STK39: variants seen among roughly 807,000 people sequenced by gnomAD.
STK39 encodes STE20/SPS1-related proline-alanine-rich protein kinase.
Under a neutral mutation model 77.8 loss-of-function variants are expected in STK39, and 20 were observed. The ratio of observed to expected loss-of-function variants is 0.26; its 90% CI spans 0.18 to 0.37. STK39 has a LOEUF of 0.37. STK39 is among the 10% of genes least tolerant of loss of function. STK39 has a pLI of 1.00. For missense variants in STK39, 479 were observed against 656.5 expected (o/e 0.73, Z 2.95); for synonymous variants, 246 against 234.1 (o/e 1.05, Z -0.47).
intron 12 of STK39, 67 bp from the exon 13 acceptor site, chr2:168,065,448 T>C (rs183176577): frequency 1.6e-5 from 24 of 1,505,758 alleles, no homozygotes; most frequent in Non-Finnish European, 2.2e-5. Context: ...TGTGGTTACA[T>C]TAAGTCCCAA....
rs7600688 is a variant in STK39 at position 167,956,702 on chromosome 2, T to C, written c.1564-1132A>G. Reference sequence around the variant, plus strand: ...CACACACACACACACACACACTCTCTCTCTCTCTCTCTCTCTCTCTCTCTC... The same window carrying C: ...CACACACACACACACACACACTCTCCCTCTCTCTCTCTCTCTCTCTCTCTC... On this transcript the variant is annotated intron_variant, in intron 17 of 17. Transcript: ENST00000355999. Among the ~76,000 whole-genome samples the C allele has an allele frequency of 1.2e-3, 94 of 75,774 alleles. 1 individual carries two copies. Among genetic ancestry groups the C allele is most frequent in the Middle Eastern group, 6.8e-3 (1 of 146 alleles). 49.7% of individuals were successfully genotyped at this position (75,774 alleles called of 152,430 possible).
At chr2:168,217,153 T>C (rs577686884) in intron 1 of STK39, among the ~76,000 whole-genome samples, 1 of 152,306 alleles carries the variant, frequency 6.6e-6, no homozygotes, top group African/African-American at 2.4e-5. Context: ...TTCAAAAGCA[T>C]CCCACTCTCC....
chr2:168,224,221 A>C (rs1165603803), intron 1 of STK39, among the ~76,000 whole-genome samples: 1 of 152,154 alleles, frequency 6.6e-6, no homozygotes, highest in African/African-American at 2.4e-5. Context: ...CAACAAAAAA[A>C]AATCGCTTTC....
rs1049779251 is a variant in STK39, at chr2:168,136,883, T to C, written c.974+1205A>G. 7.2e-5 allele frequency among the ~76,000 whole-genome samples: 11 copies of C among 152,302 alleles called. 1 individual carries two copies. In the South Asian group the frequency reaches 1.9e-3, roughly 26 times the overall value. On this transcript the variant is annotated intron_variant, in intron 8 of 17. Coordinates refer to ENST00000355999, the MANE Select transcript of STK39 (RefSeq NM_013233.3). ...ATAAATAACAAATGAGATGTTTACA[T>C]AGAAATAGTACACAGGTATGACAAA...
chr2:168,064,993 A>G (rs1460108736), intron 13 of STK39, among the ~76,000 whole-genome samples: 1 of 152,260 alleles, frequency 6.6e-6, no homozygotes, highest in Non-Finnish European at 1.5e-5. Flanking sequence ...AAATCCAACC[A>G]GGAGCAAAAA....
At chr2:168,168,339 T>C (rs938476181) in intron 2 of STK39, among the ~76,000 whole-genome samples, 12 of 152,198 alleles carry the variant, frequency 7.9e-5, no homozygotes, top group African/African-American at 2.7e-4. Context: ...GTCGGATGAC[T>C]CCCATAAAAG....
At chr2:168,029,506 C>G (rs1471730229) in intron 14 of STK39, among the ~76,000 whole-genome samples, 1 of 152,120 alleles carries the variant, frequency 6.6e-6, no homozygotes, top group African/African-American at 2.4e-5. Flanking sequence ...GCTGAAGACA[C>G]AATATTAAAT....
At position 167,982,804 on chromosome 2, in the gene STK39, TAG is replaced by T. The variant is rs367673649; in HGVS notation, c.1499-18080_1499-18079del. Among the ~76,000 whole-genome samples, 34 of 152,320 alleles carry T rather than the reference TAG, an allele frequency of 2.2e-4. No homozygotes were observed. The East Asian group carries it at 5.6e-3, about 25-fold the overall frequency. On this transcript the variant is annotated intron_variant, in intron 16 of 17. Transcript: ENST00000355999. ...TTCCCCCCACAAAGATGAAGATAGG[TAG>T]AGCTGATCAGGGTGAAGTTATAAAA...
chr2:168,087,432 T>C (rs1342728517), intron 10 of STK39, among the ~76,000 whole-genome samples: 1 of 152,208 alleles, frequency 6.6e-6, no homozygotes, highest in Non-Finnish European at 1.5e-5. Flanking sequence ...CGTGATTAAG[T>C]CCATAATTGA....
intron 1 of STK39, among the ~76,000 whole-genome samples, chr2:168,246,480 CAGAG>C (rs1347717900): frequency 6.6e-6 from 1 of 152,254 alleles, no homozygotes. Flanking sequence ...CGGCCTGAAA[CAGAG>C]GGAAGCATCG....
chr2:168,169,843 T>C (rs1222392441), intron 2 of STK39, among the ~76,000 whole-genome samples: 18 of 152,036 alleles, frequency 1.2e-4, no homozygotes, highest in Admixed American at 1.1e-3. Flanking sequence ...TAAGGACAGG[T>C]AAAAGAAGGG....
At chr2:168,164,872 G>A (rs1688659914) in intron 3 of STK39, among the ~76,000 whole-genome samples, 1 of 152,146 alleles carries the variant, frequency 6.6e-6, no homozygotes, top group Non-Finnish European at 1.5e-5. Flanking sequence ...CAGTTTAAAA[G>A]CCAAAATTAC....
At chr2:168,236,805 T>C (rs887473102) in intron 1 of STK39, among the ~76,000 whole-genome samples, 2 of 152,120 alleles carry the variant, frequency 1.3e-5, no homozygotes, top group African/African-American at 4.8e-5. Flanking sequence ...TCCATTGGTC[T>C]ATATCTCTGT....
intron 16 of STK39, 25 bp downstream of exon 16, chr2:168,012,609 C>T (rs771413157): frequency 6.2e-7 from 1 of 1,601,252 alleles, no homozygotes; most frequent in Non-Finnish European, 8.5e-7. Context: ...AACAAAATGA[C>T]AGTGCATACT....
At chr2:168,180,951 T>A (rs1053164352) in intron 2 of STK39, among the ~76,000 whole-genome samples, 1 of 152,212 alleles carries the variant, frequency 6.6e-6, no homozygotes, top group Admixed American at 6.5e-5. Context: ...TACAGCTTTA[T>A]CCTTGTACTT....
chr2:168,186,757 C>A (rs1689219380), intron 1 of STK39, among the ~76,000 whole-genome samples: 1 of 152,150 alleles, frequency 6.6e-6, no homozygotes, highest in Non-Finnish European at 1.5e-5. Context: ...CCATCTGTGA[C>A]ATAAAGGAGG....
intron 14 of STK39, among the ~76,000 whole-genome samples, chr2:168,057,048 G>A (rs149869470): frequency 2.0e-5 from 3 of 152,328 alleles, no homozygotes; most frequent in East Asian, 1.9e-4. Flanking sequence ...GCTGGGGTGA[G>A]AGAAGAGGAC....
intron 16 of STK39, among the ~76,000 whole-genome samples, chr2:167,972,678 G>T (rs1692381299): frequency 6.6e-6 from 1 of 152,088 alleles, no homozygotes; most frequent in Non-Finnish European, 1.5e-5. Context: ...AGATTTAAAA[G>T]GACTTTTTGT....
In STK39 at chr2:168,225,670, A is replaced by C. The variant is rs80280275; in HGVS notation, c.208+21558T>G. Among the ~76,000 whole-genome samples the C allele has an allele frequency of 5.4e-3, 823 of 152,342 alleles. 8 individuals are homozygous for C. The highest frequency in any genetic ancestry group is 0.019 in the African/African-American group (779 of 41,572). ...CAAAACAATAAACTGCTCTTTAAAC[A>C]CATTGTAAGTATATATTTTAACAAA... On this transcript the variant is annotated intron_variant, in intron 1 of 17. Coordinates refer to ENST00000355999, the MANE Select transcript of STK39 (RefSeq NM_013233.3).
Sources: gnomAD v4.1 joint callset for allele counts (sites outside exome capture counted in the v4.1 genomes callset) on GRCh38, gnomAD v4.1.1 for gene constraint, MANE v1.5 for transcripts, NCBI Gene and HGNC (gene_info 2026-07-23, HGNC 2026-07-21) for gene names.